APPL2: variants seen among roughly 807,000 people sequenced by gnomAD.
The protein encoded by APPL2 is DCC-interacting protein 13-beta.
A neutral mutation model predicts 92.7 loss-of-function variants in APPL2; 84 were observed. The ratio of observed to expected loss-of-function variants is 0.91; its 90% confidence interval spans 0.76 to 1.09. The LOEUF is 1.09. APPL2 is among the 50% of genes least tolerant of loss of function. The probability of loss-of-function intolerance (pLI) is 0.00; values close to 1 mark genes in which losing one functional copy is unlikely to be tolerated. For synonymous variants in APPL2, 291 were observed against 291.0 expected (o/e 1.00, Z 0.00); for missense variants, 736 against 824.5 (o/e 0.89, Z 1.31).
intron 8 of APPL2, among the ~76,000 whole-genome samples, chr12:105,205,569 G>C (rs982801418): frequency 6.6e-6 from 1 of 152,146 alleles, no homozygotes; most frequent in African/African-American, 2.4e-5. Context: ...GGCCTTGCAG[G>C]ACACCCTCTT....
Position 105,217,081 on chromosome 12 carries a change from T to G in APPL2, c.273A>C (p.Lys91Asn). 6.2e-7 allele frequency: 1 copy of G among 1,609,312 alleles called. No homozygotes were observed. Among genetic ancestry groups the G allele is most frequent in the Admixed American group, 1.7e-5 (1 of 59,702 alleles). The change falls in exon 4 of 21, where the codon AAA becomes AAC. Residue 91 changes from lysine (K) to asparagine (N), a missense_variant. Physicochemically the swap from Lys to Asn is moderately conservative, Grantham distance 94. Transcript: ENST00000258530. Reference sequence around the variant, plus strand: ...GTTGCTATCTTACCTCATCCACCACTTTGGAAAAATAGTGGAGTGTTGAAA... The same window carrying G: ...GTTGCTATCTTACCTCATCCACCACGTTGGAAAAATAGTGGAGTGTTGAAA... ...EVISTLHYFS[K>N]VVDELNLLHT...
intron 8 of APPL2, among the ~76,000 whole-genome samples, chr12:105,204,427 G>A (rs774499309): frequency 2.6e-5 from 4 of 152,066 alleles, no homozygotes; most frequent in African/African-American, 7.2e-5. Context: ...TAGTTCTGAC[G>A]GCTTTGCATC....
At chr12:105,203,216 G>C (rs1056900798) in intron 9 of APPL2, among the ~76,000 whole-genome samples, 4 of 152,236 alleles carry the variant, frequency 2.6e-5, no homozygotes, top group African/African-American at 9.6e-5. Context: ...GGCGCCCACA[G>C]CCTCCAGTTA....
At chr12:105,233,142 T>C in intron 1 of APPL2, 1 of 985,490 alleles carries the variant, frequency 1.0e-6, no homozygotes, top group Non-Finnish European at 1.2e-6. Flanking sequence ...AGCTCAAAGC[T>C]GCATTTGTGT....
intron 11 of APPL2, among the ~76,000 whole-genome samples, chr12:105,196,943 A>C (rs1887697909): frequency 6.6e-6 from 1 of 152,192 alleles, no homozygotes; most frequent in Admixed American, 6.5e-5. Context: ...AGGAAGGATG[A>C]GGTCTAAAGC....
intron 2 of APPL2, among the ~76,000 whole-genome samples, chr12:105,226,971 A>T (rs1890554991): frequency 2.0e-5 from 3 of 151,932 alleles, no homozygotes; most frequent in Non-Finnish European, 2.9e-5. Context: ...AAGAAAAAAA[A>T]TTAGCTGGGT....
intron 1 of APPL2, among the ~76,000 whole-genome samples, chr12:105,230,849 G>A (rs1890870211): frequency 6.6e-6 from 1 of 152,168 alleles, no homozygotes; most frequent in African/African-American, 2.4e-5. Context: ...GAGCCACTGT[G>A]CAATAATGAA....
intron 5 of APPL2, among the ~76,000 whole-genome samples, chr12:105,209,216 TAAGATAAAA>T (rs1889012443): frequency 6.6e-6 from 1 of 152,174 alleles, no homozygotes; most frequent in African/African-American, 2.4e-5. Flanking sequence ...CCGAGAAATG[TAAGATAAAA>T]CACCACTGTC....
intron 2 of APPL2, among the ~76,000 whole-genome samples, chr12:105,225,564 T>C (rs1468460262): frequency 3.9e-5 from 6 of 152,260 alleles, no homozygotes; most frequent in Non-Finnish European, 7.3e-5. Flanking sequence ...CTGAAGTTTT[T>C]AACTTATTTA....
chr12:105,229,464 G>A (rs563555798), intron 1 of APPL2, among the ~76,000 whole-genome samples: 1 of 152,334 alleles, frequency 6.6e-6, no homozygotes, highest in East Asian at 1.9e-4. Context: ...ATTGGAGCCA[G>A]AAAAGCCAGT....
At chr12:105,203,981 T>C (rs546180279) in intron 8 of APPL2, among the ~76,000 whole-genome samples, 196 bp from the exon 9 acceptor site, 164 of 152,322 alleles carry the variant, frequency 1.1e-3, no homozygotes, top group Non-Finnish European at 8.8e-5. Context: ...TGCTGGCTTT[T>C]GGGTGCCAAT....
At chr12:105,208,438 T>C (rs992934056) in intron 5 of APPL2, among the ~76,000 whole-genome samples, 5 of 152,090 alleles carry the variant, frequency 3.3e-5, no homozygotes, top group Non-Finnish European at 7.4e-5. Context: ...CCTCTCCACA[T>C]AGCGCTGAGG....
chr12:105,181,898 C>A (rs1372698412), intron 17 of APPL2, among the ~76,000 whole-genome samples: 1 of 152,078 alleles, frequency 6.6e-6, no homozygotes, highest in Non-Finnish European at 1.5e-5. Flanking sequence ...TTTTGTTAAT[C>A]TTTTCAAAAA....
Position 105,208,343 on chromosome 12 carries a change from C to T in APPL2, c.374-144G>A, listed in dbSNP as rs374491676. The T allele has an allele frequency of 4.1e-6, 4 of 981,486 alleles. No individual in the cohort carries two copies. The African/African-American group carries it at 4.9e-5, about 12-fold the overall frequency. 60.8% of individuals were successfully genotyped at this position (981,486 alleles called of 1,614,324 possible). A position where few individuals can be genotyped will look rare whatever the true frequency, so the allele number is the denominator to read the frequency against. On this transcript the variant is annotated intron_variant, in intron 5 of 20. Coordinates refer to ENST00000258530, the MANE Select transcript of APPL2 (RefSeq NM_018171.5). ...CAGTCCCTGGCTCTCACAGGCTGGC[C>T]CAGAGGCTGGGACCTGGGCTCACTG... is the stretch of plus-strand genomic sequence containing the variant.
At chr12:105,211,545 CAG>C (rs914021882) in intron 4 of APPL2, among the ~76,000 whole-genome samples, 2 of 152,222 alleles carry the variant, frequency 1.3e-5, no homozygotes, top group African/African-American at 2.4e-5. Context: ...AGCTTGCTAA[CAG>C]AGTGTCTGGG....
intron 8 of APPL2, among the ~76,000 whole-genome samples, chr12:105,205,547 G>A (rs1888626631): frequency 6.6e-6 from 1 of 152,192 alleles, no homozygotes; most frequent in African/African-American, 2.4e-5. Flanking sequence ...CTGGTGTCAA[G>A]CTTGTCCTGT....
chr12:105,178,913 T>C (rs549559020), intron 17 of APPL2, among the ~76,000 whole-genome samples: 1 of 152,380 alleles, frequency 6.6e-6, no homozygotes, highest in East Asian at 1.9e-4. Context: ...CCCTTATAAG[T>C]GAAAACTTAA....
intron 20 of APPL2, 57 bp downstream of exon 20, chr12:105,175,978 A>G: frequency 2.1e-6 from 3 of 1,415,268 alleles, no homozygotes; most frequent in Non-Finnish European, 9.5e-7. Flanking sequence ...GACTCTTGGT[A>G]TGTGTACACA....
chr12:105,223,240 G>C (rs1454908616), intron 2 of APPL2, among the ~76,000 whole-genome samples: 1 of 152,216 alleles, frequency 6.6e-6, no homozygotes, highest in East Asian at 1.9e-4. Flanking sequence ...CCAGGGAAGA[G>C]CTAAAGCTAA....
Sources: gnomAD v4.1 joint callset for allele counts (sites outside exome capture counted in the v4.1 genomes callset) on GRCh38, gnomAD v4.1.1 for gene constraint, MANE v1.5 for transcripts, NCBI Gene and HGNC (gene_info 2026-07-23, HGNC 2026-07-21) for gene names.